Variants in IQSEC1 observed in about 807,000 individuals in gnomAD.
IQSEC1 encodes the protein IQ motif and SEC7 domain-containing protein 1.
In IQSEC1, 31 loss-of-function variants were observed where a neutral mutation model predicts 91.0. The ratio of observed to expected loss-of-function variants is 0.34; its 90% CI spans 0.26 to 0.46. The LOEUF (loss-of-function observed/expected upper bound fraction) is 0.46. Ranked by LOEUF, IQSEC1 falls within the 20% of genes least tolerant of loss-of-function variation. IQSEC1 has a pLI of 1.00. For missense variants in IQSEC1, 1,388 were observed against 1,575.6 expected (o/e 0.88, Z 2.02); for synonymous variants, 699 against 662.6 (o/e 1.05, Z -0.84).
chr3:12,900,502 AC>A lies in IQSEC1; in HGVS notation c.*480del. 3.6e-6 allele frequency: 3 copies of A among 835,382 alleles called. No individual in the cohort carries two copies. The highest frequency in any genetic ancestry group is 4.3e-6 in the Non-Finnish European group (3 of 693,918). 51.7% of individuals were successfully genotyped at this position (835,382 alleles called of 1,614,324 possible). ...TTATATATTTATATAAAGTTTACTTACGTATTTTCATCAACCATATCAGGTC... is the reference window on the plus strand; with the variant it reads ...TTATATATTTATATAAAGTTTACTTAGTATTTTCATCAACCATATCAGGTC... On this transcript the variant is annotated 3_prime_UTR_variant, in exon 14 of 14. Coordinates refer to ENST00000613206, the MANE Select transcript of IQSEC1 (RefSeq NM_001134382.3).
intron 1 of IQSEC1, among the ~76,000 whole-genome samples, chr3:13,175,618 A>G (rs988089362): frequency 2.6e-5 from 4 of 152,198 alleles, no homozygotes; most frequent in Non-Finnish European, 5.9e-5. Context: ...TCTTGTCTCA[A>G]TCCATCTGGG....
At chr3:13,177,572 C>CA (rs1559270830) in intron 1 of IQSEC1, among the ~76,000 whole-genome samples, 1 of 151,644 alleles carries the variant, frequency 6.6e-6, no homozygotes, top group East Asian at 1.9e-4. Flanking sequence ...CCCCCCATTC[C>CA]CCATCCCTGT....
chr3:13,049,545 C>T (rs953474792), intron 1 of IQSEC1, among the ~76,000 whole-genome samples: 1 of 152,172 alleles, frequency 6.6e-6, no homozygotes, highest in Non-Finnish European at 1.5e-5. Flanking sequence ...ACGGAGACCC[C>T]ACACACGGAA....
chr3:13,101,245 G>T (rs1706057425), intron 2 of IQSEC1, among the ~76,000 whole-genome samples: 1 of 152,142 alleles, frequency 6.6e-6, no homozygotes, highest in Non-Finnish European at 1.5e-5. Context: ...ACTTTGGGAG[G>T]CCGAGGTGGG....
At chr3:13,156,640 A>AGGCACAGCACTGC (rs1707089826) in intron 2 of IQSEC1, among the ~76,000 whole-genome samples, 2 of 152,260 alleles carry the variant, frequency 1.3e-5, no homozygotes, top group African/African-American at 4.8e-5. Context: ...CAGAGCACTG[A>AGGCACAGCACTGC]GGCACAGCAC....
At chr3:12,978,737 T>C (rs1701313871) in intron 1 of IQSEC1, among the ~76,000 whole-genome samples, 1 of 151,932 alleles carries the variant, frequency 6.6e-6, no homozygotes, top group Non-Finnish European at 1.5e-5. Flanking sequence ...AAAAGAATCT[T>C]TGCACAACAG....
intron 2 of IQSEC1, among the ~76,000 whole-genome samples, chr3:13,095,463 G>A (rs1229679799): frequency 6.6e-6 from 1 of 152,176 alleles, no homozygotes; most frequent in Non-Finnish European, 1.5e-5. Context: ...GGGGCTGATG[G>A]ACAGAGCTAA....
At chr3:13,085,486 G>C (rs1341228743) in intron 2 of IQSEC1, among the ~76,000 whole-genome samples, 1 of 152,172 alleles carries the variant, frequency 6.6e-6, no homozygotes, top group African/African-American at 2.4e-5. Context: ...ACGTAAGAAG[G>C]ATAGTGTGTT....
At chr3:13,210,088 C>T (rs1374949813) in intron 1 of IQSEC1, among the ~76,000 whole-genome samples, 2 of 152,180 alleles carry the variant, frequency 1.3e-5, no homozygotes, top group African/African-American at 4.8e-5. Flanking sequence ...CTCTGAGTCC[C>T]GGTTCTCAGC....
chr3:13,070,204 C>T (rs458612), intron 1 of IQSEC1, among the ~76,000 whole-genome samples: 78,339 of 151,870 alleles, frequency 0.52, 20,413 homozygotes, highest in East Asian at 0.66. Flanking sequence ...ATGTGGCATG[C>T]TGGGGAAGGG....
At chr3:13,145,407 A>G (rs918043560) in intron 2 of IQSEC1, among the ~76,000 whole-genome samples, 2 of 152,130 alleles carry the variant, frequency 1.3e-5, no homozygotes, top group African/African-American at 2.4e-5. Context: ...TCCAACCATC[A>G]CATCTGCAGT....
chr3:12,920,653 C>T (rs144898991), intron 5 of IQSEC1, 57 bp from the exon 6 acceptor site: 2 of 1,552,356 alleles, frequency 1.3e-6, no homozygotes, highest in Non-Finnish European at 1.8e-6. Flanking sequence ...CACGGCCCCT[C>T]TCTCACCCGC....
chr3:13,254,886 G>A (rs1695259499), intron 1 of IQSEC1, among the ~76,000 whole-genome samples: 3 of 152,110 alleles, frequency 2.0e-5, no homozygotes, highest in Admixed American at 6.5e-5. Context: ...AGCCACCTGC[G>A]ACCCGGGGCC....
At chr3:12,990,323 G>A (rs1285197514) in intron 1 of IQSEC1, among the ~76,000 whole-genome samples, 1 of 152,182 alleles carries the variant, frequency 6.6e-6, no homozygotes, top group Non-Finnish European at 1.5e-5. Flanking sequence ...GCCTTCTAAG[G>A]CAGCCTGTTC....
rs947649216 is a variant in IQSEC1, at chr3:12,935,178, C to G, written c.1568+270G>C. On this transcript the variant is annotated intron_variant, in intron 3 of 13. Coordinates refer to ENST00000613206, the MANE Select transcript of IQSEC1 (RefSeq NM_001134382.3). The surrounding 1 kb of genome is among the most constrained non-coding windows in gnomAD (Gnocchi z 8.0). The stretch of plus-strand genomic sequence containing the variant: ...TTGGGGGGGATGGGACGGAAGGGCC[C>G]GGGACTCAAGTTGCTTCGGCACAGA... Among the ~76,000 whole-genome samples the G allele has an allele frequency of 6.6e-6, 1 of 152,192 alleles. No individual in the cohort carries two copies. The highest frequency in any genetic ancestry group is 2.1e-4 in the South Asian group (1 of 4,834).
exon 1 of IQSEC1, among the ~76,000 whole-genome samples, chr3:13,283,085 G>A (rs1207601895): frequency 7.6e-5 from 11 of 144,608 alleles, no homozygotes; most frequent in Admixed American, 6.8e-4. Flanking sequence ...GGCGCGGCGC[G>A]GGGCTGCCGC....
chr3:13,013,895 T>TA (rs1312606101), intron 1 of IQSEC1, among the ~76,000 whole-genome samples: 2 of 152,064 alleles, frequency 1.3e-5, no homozygotes, highest in African/African-American at 4.8e-5. Flanking sequence ...ACCTGGCCAT[T>TA]TCACAGGTGA....
At chr3:13,203,029 A>T (rs1694272893) in intron 1 of IQSEC1, among the ~76,000 whole-genome samples, 1 of 152,178 alleles carries the variant, frequency 6.6e-6, no homozygotes, top group Non-Finnish European at 1.5e-5. Flanking sequence ...TGACCTCCAC[A>T]TAGTGCGTCA....
chr3:12,961,882 G>C (rs1005878997), intron 1 of IQSEC1, among the ~76,000 whole-genome samples: 2 of 152,238 alleles, frequency 1.3e-5, no homozygotes, highest in Non-Finnish European at 2.9e-5. Flanking sequence ...GGCTAAGGAA[G>C]GTGCCCAAGA....
Sources: allele counts gnomAD v4.1 joint callset (sites outside exome capture counted in the v4.1 genomes callset), GRCh38; gene constraint gnomAD v4.1.1; non-coding constraint Gnocchi (gnomAD v3.1); transcripts MANE v1.5; gene names NCBI Gene and HGNC (gene_info 2026-07-23, HGNC 2026-07-21).